The following FBXO16 variants were observed in gnomAD, a reference collection of about 807,000 sequenced individuals.
FBXO16 encodes the protein F-box protein 16.
Under a neutral mutation model 41.0 loss-of-function variants are expected in FBXO16, and 31 were observed. The ratio of observed to expected loss-of-function variants is 0.76; its 90% CI spans 0.57 to 1.02. The LOEUF is 1.02. Among genes scored for constraint, FBXO16 ranks in the 50% least tolerant of loss-of-function variants. The pLI is 0.00. For synonymous variants in FBXO16, 133 were observed against 117.8 expected, an observed-to-expected ratio of 1.13 and a Z score of -0.84; for missense variants, 361 against 346.2, an observed-to-expected ratio of 1.04 and a Z score of -0.34.
rs930507873 is a variant in FBXO16, at chr8:28,466,460, C to T, written c.136-2642G>A. ...GTGAGTGTTCCCTGACATCTCCTAG[C>T]CCCGTTTCTATACAAGCCATATCTC... On this transcript the variant is annotated intron_variant, in intron 3 of 8. Coordinates refer to ENST00000380254, the MANE Select transcript of FBXO16 (RefSeq NM_172366.4). 3.3e-5 allele frequency among the ~76,000 whole-genome samples: 5 copies of T among 152,012 alleles called. No individual in the cohort carries two copies. The South Asian group carries it at 6.2e-4, about 19-fold the overall frequency.
At chr8:28,486,014 G>A (rs1415070071) in intron 1 of FBXO16, among the ~76,000 whole-genome samples, 1 of 151,418 alleles carries the variant, frequency 6.6e-6, no homozygotes, top group Non-Finnish European at 1.5e-5. Flanking sequence ...GCTGAGGCAG[G>A]AGAATCGCTT....
At chr8:28,462,468 C>T (rs953414134) in intron 4 of FBXO16, among the ~76,000 whole-genome samples, 27 of 151,180 alleles carry the variant, frequency 1.8e-4, no homozygotes, top group Non-Finnish European at 2.9e-4. Flanking sequence ...TTAGTAGAGA[C>T]GGGGTTTCAC....
At chr8:28,487,819 TA>T (rs1585926153) in intron 1 of FBXO16, among the ~76,000 whole-genome samples, 2 of 152,214 alleles carry the variant, frequency 1.3e-5, no homozygotes, top group East Asian at 3.9e-4. Context: ...TCCTTCCCTG[TA>T]AGGACTACCT....
chr8:28,480,437 A>G (rs1367042426), intron 2 of FBXO16, among the ~76,000 whole-genome samples: 1 of 152,148 alleles, frequency 6.6e-6, no homozygotes, highest in Admixed American at 6.5e-5. Flanking sequence ...ACAAGAGTCA[A>G]TGAAACAGGT....
intron 7 of FBXO16, among the ~76,000 whole-genome samples, chr8:28,445,745 CTCTT>C (rs1157839449): frequency 2.8e-4 from 42 of 152,320 alleles, no homozygotes; most frequent in African/African-American, 6.7e-4. Flanking sequence ...ATCTCTCTCT[CTCTT>C]TCTTTTTTCT....
In FBXO16 at chr8:28,428,599, T is replaced by C; in HGVS notation, c.*128A>G. 1.9e-6 allele frequency: 3 copies of C among 1,551,416 alleles called. No individual in the cohort carries two copies. Among genetic ancestry groups the C allele is most frequent in the South Asian group, 1.2e-5 (1 of 84,064 alleles). On this transcript the variant is annotated 3_prime_UTR_variant, in exon 9 of 9. Coordinates refer to ENST00000380254, the MANE Select transcript of FBXO16 (RefSeq NM_172366.4). ...GCTCTGGAACCTGGATGAGTCATGC[T>C]TGGGGCCCAGGGTGCCTGTGAGGAT...
chr8:28,433,968 T>TTTTTTTC, intron 7 of FBXO16, among the ~76,000 whole-genome samples: 1 of 149,528 alleles, frequency 6.7e-6, no homozygotes, highest in African/African-American at 2.5e-5. Context: ...TTTTTTTTTT[T>TTTTTTTC]TTTTTTTTTT....
Position 28,428,736 on chromosome 8 carries a change from T to A in FBXO16, c.870A>T (p.Leu290=), listed in dbSNP as rs1303832559. The part of the protein sequence containing the change: ...SMMSRRNPFP[L]CP ...AGGGGAGAGCTGGCACTTAGGGACA[T>A]CTAGAAAGGAAAAAGGAATCATGAA... Residue 290 remains leucine, a splice_region_variant and synonymous_variant, in exon 9 of 9, where the codon CTA becomes CTT. Transcript: ENST00000380254. 2 of 1,529,996 alleles carry A rather than the reference T, an allele frequency of 1.3e-6. No individual in the cohort carries two copies. The highest frequency in any genetic ancestry group is 2.3e-5 in the Admixed American group (1 of 43,840). 94.8% of individuals were successfully genotyped at this position (1,529,996 alleles called of 1,614,324 possible).
chr8:28,445,519 C>T (rs1802850053), intron 7 of FBXO16, among the ~76,000 whole-genome samples: 1 of 152,174 alleles, frequency 6.6e-6, no homozygotes, highest in Non-Finnish European at 1.5e-5. Context: ...CCTTGCCTAT[C>T]AGGGGCTGGA....
rs542434241 is a variant in FBXO16, at chr8:28,486,781, G to A, written c.-16-3319C>T. On this transcript the variant is annotated intron_variant, in intron 1 of 8. Coordinates refer to ENST00000380254, the MANE Select transcript of FBXO16 (RefSeq NM_172366.4). ...TTTGGGCCCAGGAGGTTGAGGCTGC[G>A]GTAAGCTGTGATTGCACCACTGTAC... is the stretch of plus-strand genomic sequence containing the variant. Among the ~76,000 whole-genome samples the A allele has an allele frequency of 3.7e-4, 57 of 152,006 alleles. 2 individuals carry two copies. Among genetic ancestry groups the A allele is most frequent in the Middle Eastern group, 3.4e-3 (1 of 292 alleles).
At chr8:28,471,329 CT>C (rs1803330670) in intron 3 of FBXO16, among the ~76,000 whole-genome samples, 1 of 152,108 alleles carries the variant, frequency 6.6e-6, no homozygotes, top group Non-Finnish European at 1.5e-5. Flanking sequence ...CTAGATTAAA[CT>C]TTAAAACTAA....
intron 7 of FBXO16, among the ~76,000 whole-genome samples, chr8:28,436,107 TC>T (rs1323889144): frequency 6.6e-6 from 1 of 151,792 alleles, no homozygotes; most frequent in African/African-American, 2.4e-5. Context: ...GCTGAGGAGG[TC>T]CTCCCTCGGG....
At chr8:28,436,388 A>G (rs1802687860) in intron 7 of FBXO16, among the ~76,000 whole-genome samples, 1 of 152,234 alleles carries the variant, frequency 6.6e-6, no homozygotes, top group African/African-American at 2.4e-5. Context: ...TCTGGCGGAA[A>G]CAGAGGCAAG....
At chr8:28,468,503 T>C (rs758822066) in intron 3 of FBXO16, among the ~76,000 whole-genome samples, 3 of 152,162 alleles carry the variant, frequency 2.0e-5, no homozygotes, top group Admixed American at 6.5e-5. Context: ...AAAAATTTAA[T>C]TTCACAAAGT....
intron 1 of FBXO16, among the ~76,000 whole-genome samples, chr8:28,486,225 C>T (rs113911657): frequency 0.013 from 1,640 of 125,152 alleles, 30 homozygotes; most frequent in African/African-American, 0.043. Context: ...ATTTCTTCTT[C>T]TTCTTCTTTT....
At chr8:28,460,330 C>A (rs560041866) in intron 4 of FBXO16, among the ~76,000 whole-genome samples, 1 of 120,954 alleles carries the variant, frequency 8.3e-6, no homozygotes, top group East Asian at 2.8e-4. Context: ...CTTACTGTAG[C>A]CTTCAACCCC....
chr8:28,428,752 G>C lies in FBXO16; in HGVS notation c.870-16C>G. 3 of 1,509,340 alleles carry C rather than the reference G, an allele frequency of 2.0e-6. No homozygotes were observed. The highest frequency in any genetic ancestry group is 2.6e-6 in the Non-Finnish European group (3 of 1,133,376). 93.5% of individuals were successfully genotyped at this position (1,509,340 alleles called of 1,614,324 possible). A position where few individuals can be genotyped will look rare whatever the true frequency, so the allele number is the denominator to read the frequency against. The stretch of plus-strand genomic sequence containing the variant: ...TTAGGGACATCTAGAAAGGAAAAAG[G>C]AATCATGAAAGCGAGGGTTATTGAA... On this transcript the variant is annotated splice_polypyrimidine_tract_variant and intron_variant, in intron 8 of 8. Transcript: ENST00000380254.
intron 7 of FBXO16, among the ~76,000 whole-genome samples, chr8:28,437,908 A>G (rs1457430309): frequency 6.6e-6 from 1 of 152,094 alleles, no homozygotes; most frequent in Non-Finnish European, 1.5e-5. Context: ...AAACACCACA[A>G]TGATGAGGAG....
intron 4 of FBXO16, among the ~76,000 whole-genome samples, chr8:28,462,678 A>G (rs1019355471): frequency 5.3e-5 from 8 of 152,232 alleles, no homozygotes; most frequent in African/African-American, 1.9e-4. Flanking sequence ...CTCTATGAAA[A>G]GACTCAACAA....
Sources: gnomAD v4.1 joint callset for allele counts (sites outside exome capture counted in the v4.1 genomes callset) on GRCh38, gnomAD v4.1.1 for gene constraint, MANE v1.5 for transcripts, NCBI Gene and HGNC (gene_info 2026-07-23, HGNC 2026-07-21) for gene names.